Variants in SLC35D4 observed in about 807,000 individuals in gnomAD.
SLC35D4 encodes the protein solute carrier family 35 member D4.
At chr18:23,318,989 G>C in the SLC35D4 span, among the ~76,000 whole-genome samples, 1 of 151,566 alleles carries the variant, frequency 6.6e-6, no homozygotes, top group Non-Finnish European at 1.5e-5. Context: ...GATCACAGGT[G>C]CATGCCACCA....
the SLC35D4 span, among the ~76,000 whole-genome samples, chr18:23,369,464 T>C: frequency 2.6e-5 from 4 of 152,238 alleles, no homozygotes; most frequent in African/African-American, 9.6e-5. Context: ...GGCCTCATTT[T>C]GCCCAAGAAT....
At chr18:23,279,012 C>CAAA in the SLC35D4 span, among the ~76,000 whole-genome samples, 2 of 96,046 alleles carry the variant, frequency 2.1e-5, no homozygotes, top group Non-Finnish European at 4.9e-5. Flanking sequence ...GACCCCATCT[C>CAAA]AAAAAAAAAA....
the SLC35D4 span, among the ~76,000 whole-genome samples, chr18:23,265,748 A>G: frequency 1.3e-5 from 2 of 152,064 alleles, no homozygotes; most frequent in South Asian, 4.2e-4. Context: ...AAAGATGACC[A>G]AAAAGAAATC....
chr18:23,382,239 C>CAAAAAA, the SLC35D4 span, among the ~76,000 whole-genome samples: 3 of 75,672 alleles, frequency 4.0e-5, no homozygotes, highest in African/African-American at 5.4e-5. Context: ...GACTCAGTCT[C>CAAAAAA]AAAAAAAAAA....
the SLC35D4 span, among the ~76,000 whole-genome samples, chr18:23,281,394 C>A: frequency 6.6e-6 from 1 of 152,156 alleles, no homozygotes; most frequent in Non-Finnish European, 1.5e-5. Flanking sequence ...ACAAACAGAG[C>A]TCACTGCAGC....
chr18:23,310,333 G>A, the SLC35D4 span: 1 of 950,458 alleles, frequency 1.1e-6, no homozygotes, highest in Non-Finnish European at 1.3e-6. Context: ...AGCCAGAGGA[G>A]AGGGAAGAGG....
chr18:23,371,890 T>C, the SLC35D4 span, among the ~76,000 whole-genome samples: 19 of 149,882 alleles, frequency 1.3e-4, no homozygotes, highest in African/African-American at 4.4e-4. Flanking sequence ...CCACAGGACT[T>C]AGTATCATAG....
At chr18:23,313,126 C>CAAAAAAAAAAAAAAAAAAAAAAAAAAA in the SLC35D4 span, among the ~76,000 whole-genome samples, 12 of 29,490 alleles carry the variant, frequency 4.1e-4, 4 homozygotes, top group Non-Finnish European at 4.9e-4. Flanking sequence ...GACTACATCT[C>CAAAAAAAAAAAAAAAAAAAAAAAAAAA]AAAAAAAAAA....
chr18:23,394,515 A>C, the SLC35D4 span, among the ~76,000 whole-genome samples: 1 of 152,026 alleles, frequency 6.6e-6, no homozygotes, highest in East Asian at 1.9e-4. Context: ...TTGCCTTTTT[A>C]CTTTGTTGAT....
At chr18:23,276,537 G>A in the SLC35D4 span, among the ~76,000 whole-genome samples, 1 of 151,922 alleles carries the variant, frequency 6.6e-6, no homozygotes, top group Non-Finnish European at 1.5e-5. Context: ...CTGGGGAGGA[G>A]GACATTCAAG....
the SLC35D4 span, among the ~76,000 whole-genome samples, chr18:23,354,990 T>C: frequency 2.0e-5 from 3 of 152,204 alleles, no homozygotes; most frequent in African/African-American, 7.2e-5. Flanking sequence ...GGAGACTCCC[T>C]GTTAATGGGG....
the SLC35D4 span, among the ~76,000 whole-genome samples, chr18:23,311,878 C>G: frequency 6.6e-6 from 1 of 151,232 alleles, no homozygotes; most frequent in East Asian, 2.0e-4. Flanking sequence ...TGTTGTTAGT[C>G]ATTCTTTCCT....
the SLC35D4 span, among the ~76,000 whole-genome samples, chr18:23,398,540 G>A: frequency 1.1e-4 from 17 of 152,168 alleles, no homozygotes; most frequent in South Asian, 4.1e-4. Flanking sequence ...AACATGCACC[G>A]TGGGTCAGTT....
chr18:23,373,896 G>T, the SLC35D4 span: 1 of 851,134 alleles, frequency 1.2e-6, no homozygotes. Context: ...TGGTTCCTCT[G>T]TCCTTCCTCT....
At chr18:23,241,893 C>T in the SLC35D4 span, among the ~76,000 whole-genome samples, 4 of 152,144 alleles carry the variant, frequency 2.6e-5, no homozygotes, top group Non-Finnish European at 4.4e-5. Context: ...TAGCCTTGCA[C>T]CCATATCTGT....
At chr18:23,433,066 CTTT>C in the SLC35D4 span, among the ~76,000 whole-genome samples, 1 of 142,950 alleles carries the variant, frequency 7.0e-6, no homozygotes, top group Non-Finnish European at 1.5e-5. Context: ...TAACTCTTTT[CTTT>C]TTTTTTTTTG....
the SLC35D4 span, among the ~76,000 whole-genome samples, chr18:23,286,803 G>C: frequency 2.0e-5 from 3 of 151,978 alleles, no homozygotes; most frequent in Admixed American, 6.6e-5. Flanking sequence ...CACCTGCCCA[G>C]TTCCCTTATT....
chr18:23,332,336 A>G, the SLC35D4 span, among the ~76,000 whole-genome samples: 3 of 152,198 alleles, frequency 2.0e-5, no homozygotes, highest in Non-Finnish European at 4.4e-5. Flanking sequence ...ATCTAATTCC[A>G]CAACACTGAA....
the SLC35D4 span, among the ~76,000 whole-genome samples, chr18:23,375,765 A>T: frequency 6.6e-6 from 1 of 152,234 alleles, no homozygotes; most frequent in African/African-American, 2.4e-5. Flanking sequence ...TTTTCACCGT[A>T]AAGCAATTTT....
Sources: allele counts gnomAD v4.1 joint callset (sites outside exome capture counted in the v4.1 genomes callset), GRCh38; gene constraint gnomAD v4.1.1; transcripts MANE v1.5; gene names NCBI Gene and HGNC (gene_info 2026-07-23, HGNC 2026-07-21).